Variants in FAM163A observed in about 807,000 individuals in gnomAD.
The protein encoded by FAM163A is family with sequence similarity 163 member A.
A neutral mutation model predicts 12.0 loss-of-function variants in FAM163A; 7 were observed. The ratio of observed to expected loss-of-function variants is 0.58; its 90% CI spans 0.33 to 1.10. The LOEUF (loss-of-function observed/expected upper bound fraction) is 1.10, where lower values mean the gene tolerates loss of function less well. Ranked by LOEUF, FAM163A falls within the 50% of genes least tolerant of loss-of-function variation. The pLI, the probability that FAM163A is intolerant of heterozygous loss-of-function variation, is 0.03. For missense variants in FAM163A, 202 were observed against 218.6 expected, an observed-to-expected ratio of 0.92 and a Z score of 0.48; for synonymous variants, 101 against 91.0, an observed-to-expected ratio of 1.11 and a Z score of -0.62.
At chr1:179,763,399 C>T (rs548083202) in intron 1 of FAM163A, among the ~76,000 whole-genome samples, 1 of 152,314 alleles carries the variant, frequency 6.6e-6, no homozygotes, top group African/African-American at 2.4e-5. Context: ...TTCTGGTCTC[C>T]TACAACAGCT....
intron 1 of FAM163A, among the ~76,000 whole-genome samples, chr1:179,795,666 A>G (rs928698188): frequency 6.6e-6 from 1 of 152,226 alleles, no homozygotes; most frequent in African/African-American, 2.4e-5. Flanking sequence ...AGCAGAAAAT[A>G]GGCTAAGACA....
intron 2 of FAM163A, among the ~76,000 whole-genome samples, chr1:179,809,049 G>A (rs1694342354): frequency 6.6e-6 from 1 of 152,148 alleles, no homozygotes; most frequent in South Asian, 2.1e-4. Flanking sequence ...TGAGGCTGCA[G>A]TGAGCCGAGA....
In FAM163A at chr1:179,814,132, G is replaced by C. The variant is rs779992089; in HGVS notation, c.447G>C (p.Trp149Cys). 3 of 1,614,170 alleles carry C rather than the reference G, an allele frequency of 1.9e-6. No individual in the cohort carries two copies. The highest frequency in any genetic ancestry group is 2.2e-5 in the South Asian group (2 of 91,074). The change falls in exon 5 of 5, where the codon TGG (tryptophan) becomes TGC (cysteine). Residue 149 changes from tryptophan (W) to cysteine (C), a missense_variant. Transcript: ENST00000341785. Reference protein sequence around the residue: ...LAAPQSYPVTWPGSGREAFTN... With the variant: ...LAAPQSYPVTCPGSGREAFTN... Reference sequence around the variant, plus strand: ...CACCCCAGAGTTACCCGGTGACCTGGCCAGGCTCTGGGCGTGAGGCCTTCA... The same window carrying C: ...CACCCCAGAGTTACCCGGTGACCTGCCCAGGCTCTGGGCGTGAGGCCTTCA...
intron 1 of FAM163A, among the ~76,000 whole-genome samples, chr1:179,755,425 G>A (rs1685879687): frequency 6.6e-6 from 1 of 152,144 alleles, no homozygotes; most frequent in Non-Finnish European, 1.5e-5. Flanking sequence ...TAAATGTTGT[G>A]GCTAGGATGT....
At chr1:179,799,460 C>T (rs1308690579) in intron 1 of FAM163A, among the ~76,000 whole-genome samples, 2 of 151,978 alleles carry the variant, frequency 1.3e-5, no homozygotes, top group African/African-American at 2.4e-5. Context: ...ATGGGCCGCT[C>T]GGCACGTTCC....
At chr1:179,799,533 T>G (rs1421755129) in intron 1 of FAM163A, among the ~76,000 whole-genome samples, 4 of 152,258 alleles carry the variant, frequency 2.6e-5, no homozygotes, top group African/African-American at 9.6e-5. Context: ...CCGGAAATAG[T>G]CATGTGACTG....
At chr1:179,804,404 C>CT (rs1228940069) in intron 1 of FAM163A, among the ~76,000 whole-genome samples, 8 of 152,214 alleles carry the variant, frequency 5.3e-5, no homozygotes, top group African/African-American at 1.9e-4. Flanking sequence ...CTCTGCCTTG[C>CT]TGTGTGTGTT....
At position 179,815,223 on chromosome 1, in the gene FAM163A, G is replaced by A. The variant is rs1471046465; in HGVS notation, c.*1034G>A. ...GAGAGGAAAGGTCTCCCATGTACCA[G>A]AGAAGGAAAAGTCTGATCCCGAAAC... On this transcript the variant is annotated 3_prime_UTR_variant, in exon 5 of 5. Transcript: ENST00000341785. 1 of 152,546 alleles carries A rather than the reference G, an allele frequency of 6.6e-6. No homozygotes were observed. Among genetic ancestry groups the A allele is most frequent in the Non-Finnish European group, 1.5e-5 (1 of 68,354 alleles). The allele number at this position is 152,546 out of a possible 1,614,324, so 9.4% of individuals were successfully genotyped here. A position where few individuals can be genotyped will look rare whatever the true frequency, so the allele number is the denominator to read the frequency against.
chr1:179,744,271 C>T lies in FAM163A; in HGVS notation c.-136+848C>T, dbSNP rs1245566144. 2.0e-5 allele frequency among the ~76,000 whole-genome samples: 3 copies of T among 152,054 alleles called. No individual in the cohort carries two copies. In the East Asian group the frequency reaches 5.8e-4, roughly 30 times the overall value. ...CGACCGCACTCCGATTCCAGAGGGC[C>T]CTGCGCGCTCAAGGCGCCGGCCACA... On this transcript the variant is annotated intron_variant, in intron 1 of 4. Transcript: ENST00000341785.
intron 1 of FAM163A, among the ~76,000 whole-genome samples, chr1:179,744,660 G>A (rs1221862792): frequency 6.6e-6 from 1 of 152,158 alleles, no homozygotes; most frequent in African/African-American, 2.4e-5. Flanking sequence ...TGACGTGACG[G>A]GGACGCAGTC....
rs777637338 is a variant in FAM163A, at chr1:179,813,747, CCT to C, written c.94-28_94-27del. 5 of 1,612,098 alleles carry C rather than the reference CCT, an allele frequency of 3.1e-6. No individual in the cohort carries two copies. In the East Asian group the frequency reaches 1.1e-4, roughly 36 times the overall value. ...TGCATGGGGCGGGGGGAGCATTCAC[CCT>C]CTCAGGCATCCCTCTGCCCTTCCGC... On this transcript the variant is annotated intron_variant, in intron 4 of 4. Coordinates refer to ENST00000341785, the MANE Select transcript of FAM163A (RefSeq NM_173509.3).
upstream of FAM163A, among the ~76,000 whole-genome samples, chr1:179,740,858 C>T (rs1288508986): frequency 6.6e-6 from 1 of 152,104 alleles, no homozygotes; most frequent in Non-Finnish European, 1.5e-5. Context: ...TGATATTTTA[C>T]TATAGTTTTT....
At chr1:179,731,109 C>G in the FAM163A span, among the ~76,000 whole-genome samples, 1 of 152,144 alleles carries the variant, frequency 6.6e-6, no homozygotes, top group African/African-American at 2.4e-5. Context: ...TTTGGTGATA[C>G]AAACCTGATA....
At chr1:179,793,950 A>C (rs1023698935) in intron 1 of FAM163A, among the ~76,000 whole-genome samples, 4 of 152,312 alleles carry the variant, frequency 2.6e-5, no homozygotes, top group African/African-American at 9.6e-5. Context: ...TTAAAGTCTC[A>C]TCTGTGAGTG....
rs1189820380 is a variant in FAM163A at position 179,814,230 on chromosome 1, C to A, written c.*41C>A. 6.4e-7 allele frequency: 1 copy of A among 1,553,230 alleles called. No homozygotes were observed. Among genetic ancestry groups the A allele is most frequent in the Non-Finnish European group, 8.7e-7 (1 of 1,147,988 alleles). On this transcript the variant is annotated 3_prime_UTR_variant, in exon 5 of 5. Transcript: ENST00000341785. ...CCCGCACACACACCCACACTGCTGC[C>A]CTGGCGGGGGCCATGGGGGTGATGA...
At chr1:179,804,342 G>A (rs1468286612) in intron 1 of FAM163A, among the ~76,000 whole-genome samples, 1 of 152,216 alleles carries the variant, frequency 6.6e-6, no homozygotes, top group Non-Finnish European at 1.5e-5. Context: ...CTTCTGGAAG[G>A]AGAGACAATA....
intron 1 of FAM163A, among the ~76,000 whole-genome samples, chr1:179,773,290 T>C (rs867049534): frequency 5.3e-5 from 8 of 152,086 alleles, no homozygotes; most frequent in Non-Finnish European, 1.2e-4. Context: ...TTGACTGTGG[T>C]GGTGGTCACA....
At chr1:179,789,808 G>A (rs1691188427) in intron 1 of FAM163A, among the ~76,000 whole-genome samples, 1 of 152,096 alleles carries the variant, frequency 6.6e-6, no homozygotes, top group African/African-American at 2.4e-5. Context: ...TAAAAAAAAT[G>A]GTACAAACTG....
At chr1:179,785,670 TA>T (rs1690509123) in intron 1 of FAM163A, among the ~76,000 whole-genome samples, 1 of 152,108 alleles carries the variant, frequency 6.6e-6, no homozygotes, top group Non-Finnish European at 1.5e-5. Flanking sequence ...TTCCACCCCT[TA>T]AAAAAATGGT....
Sources: gnomAD v4.1 joint callset for allele counts (sites outside exome capture counted in the v4.1 genomes callset) on GRCh38, gnomAD v4.1.1 for gene constraint, MANE v1.5 for transcripts, NCBI Gene and HGNC (gene_info 2026-07-23, HGNC 2026-07-21) for gene names.